The following DPM1 variants were observed in gnomAD, a reference collection of about 807,000 sequenced individuals.
DPM1 encodes dolichyl-phosphate mannosyltransferase subunit 1, catalytic, also known as dolichol-phosphate mannosyltransferase subunit 1.
A neutral mutation model predicts 39.0 loss-of-function variants in DPM1; 27 were observed. The observed-to-expected ratio is 0.69, with a 90% CI of 0.51 to 0.95. The LOEUF (loss-of-function observed/expected upper bound fraction) is 0.95, where lower values mean the gene tolerates loss of function less well. DPM1 is among the 40% of genes least tolerant of loss of function. The pLI is 0.00. For missense variants in DPM1, 307 were observed against 315.6 expected (o/e 0.97, Z 0.21); for synonymous variants, 124 against 109.0 (o/e 1.14, Z -0.86).
At position 50,935,055 on chromosome 20, in the gene DPM1, A is replaced by G. The variant is rs1208857318; in HGVS notation, c.*77T>C. 1.1e-6 allele frequency: 1 copy of G among 876,252 alleles called. No homozygotes were observed. The highest frequency in any genetic ancestry group is 1.7e-5 in the African/African-American group (1 of 59,668). The allele number at this position is 876,252 out of a possible 1,614,324, so 54.3% of individuals were successfully genotyped here. On this transcript the variant is annotated 3_prime_UTR_variant, in exon 9 of 9. Coordinates refer to ENST00000371588, the MANE Select transcript of DPM1 (RefSeq NM_003859.3). ...CTTATATTTTATACTTTAAGAGTAC[A>G]TTTTATACAAATCAGTAACCAGGCT...
At chr20:50,938,192 A>G (rs181402947) in intron 7 of DPM1, among the ~76,000 whole-genome samples, 28 of 152,294 alleles carry the variant, frequency 1.8e-4, no homozygotes, top group Admixed American at 1.0e-3. Context: ...CAGGTGGTCT[A>G]TGCTATTAAA....
Position 50,937,832 on chromosome 20 carries a change from TATTA to T in DPM1, c.564-1574_564-1571del, listed in dbSNP as rs1568759114. On this transcript the variant is annotated intron_variant, in intron 7 of 8. Transcript: ENST00000371588. ...TAACTTTTAAAGTTATTATTATTATTATTATTTTTATTTTTTTAGTTTTTGTAGA... is the reference window on the plus strand; with the variant it reads ...TAACTTTTAAAGTTATTATTATTATTTTTTTATTTTTTTAGTTTTTGTAGA... Among the ~76,000 whole-genome samples the T allele has an allele frequency of 9.9e-5, 15 of 152,084 alleles. No homozygotes were observed. The South Asian group carries it at 2.5e-3, about 25-fold the overall frequency.
At chr20:50,947,365 T>G (rs2123120627) in intron 3 of DPM1, among the ~76,000 whole-genome samples, 1 of 152,278 alleles carries the variant, frequency 6.6e-6, no homozygotes, top group East Asian at 1.9e-4. Context: ...AGTAAGACTG[T>G]CTCAGAAAGA....
chr20:50,945,727 T>C lies in DPM1; in HGVS notation c.398+10A>G, dbSNP rs1003900390. 1.3e-6 allele frequency: 2 copies of C among 1,549,380 alleles called. No homozygotes were observed. The highest frequency in any genetic ancestry group is 1.1e-5 in the South Asian group (1 of 89,660). On this transcript the variant is annotated intron_variant, in intron 5 of 8. Transcript: ENST00000371588. ...TCATATTTCTTTCAAATATTAGAAATAGTACCTACCTAATAAATTCAGGAA... is the reference window on the plus strand; with the variant it reads ...TCATATTTCTTTCAAATATTAGAAACAGTACCTACCTAATAAATTCAGGAA...
At chr20:50,938,952 G>A (rs1408441313) in intron 7 of DPM1, among the ~76,000 whole-genome samples, 1 of 151,962 alleles carries the variant, frequency 6.6e-6, no homozygotes, top group Non-Finnish European at 1.5e-5. Flanking sequence ...GCACACTCCA[G>A]CCTGGGCAAC....
intron 7 of DPM1, among the ~76,000 whole-genome samples, chr20:50,939,542 G>C (rs1458775802): frequency 6.6e-6 from 1 of 151,916 alleles, no homozygotes; most frequent in Non-Finnish European, 1.5e-5. Flanking sequence ...CTGTTAGCCA[G>C]GATGGTCTCG....
At chr20:50,957,163 G>A (rs1986869815) in intron 1 of DPM1, among the ~76,000 whole-genome samples, 1 of 152,160 alleles carries the variant, frequency 6.6e-6, no homozygotes, top group South Asian at 2.1e-4. Flanking sequence ...TGAGGGGCAA[G>A]GCATATGAAG....
At chr20:50,938,295 T>C (rs903784273) in intron 7 of DPM1, among the ~76,000 whole-genome samples, 32 of 152,084 alleles carry the variant, frequency 2.1e-4, no homozygotes, top group African/African-American at 6.5e-4. Context: ...ATGACAAAAA[T>C]GGGCTTTGTC....
intron 3 of DPM1, among the ~76,000 whole-genome samples, chr20:50,946,698 G>A (rs530231453): frequency 6.6e-6 from 1 of 152,314 alleles, no homozygotes; most frequent in East Asian, 1.9e-4. Context: ...GCAGGACTTG[G>A]GGATTCCTGC....
chr20:50,957,971 A>G (rs558422992), intron 1 of DPM1, among the ~76,000 whole-genome samples: 1 of 152,260 alleles, frequency 6.6e-6, no homozygotes, highest in Admixed American at 6.5e-5. Flanking sequence ...AGCACTCGGC[A>G]CCGGAGCGGA....
At position 50,936,146 on chromosome 20, in the gene DPM1, AC is replaced by A. The variant is rs1985139008; in HGVS notation, c.678+1del. ...ACACACTATTTAGCATCAGTTGCATACCTCGCCAATAGTATAATTCAACTGT... is the reference window on the plus strand; with the variant it reads ...ACACACTATTTAGCATCAGTTGCATACTCGCCAATAGTATAATTCAACTGT... On this transcript the variant is annotated splice_donor_variant, in intron 8 of 8. Coordinates refer to ENST00000371588, the MANE Select transcript of DPM1 (RefSeq NM_003859.3). LOFTEE classifies it high-confidence loss of function. 1 of 1,601,826 alleles carries A rather than the reference AC, an allele frequency of 6.2e-7. No homozygotes were observed. Among genetic ancestry groups the A allele is most frequent in the African/African-American group, 1.3e-5 (1 of 74,722 alleles).
chr20:50,952,148 T>C (rs1277437282), intron 2 of DPM1, among the ~76,000 whole-genome samples: 1 of 152,170 alleles, frequency 6.6e-6, no homozygotes, highest in Non-Finnish European at 1.5e-5. Context: ...CTCACTTGGC[T>C]TTCATGAGGA....
In DPM1 at chr20:50,938,632, G is replaced by A. The variant is rs186990691; in HGVS notation, c.563+2233C>T. Among the ~76,000 whole-genome samples, 1,147 of 149,966 alleles carry A rather than the reference G, an allele frequency of 7.6e-3. 15 individuals carry two copies. Among genetic ancestry groups the A allele is most frequent in the Non-Finnish European group, 0.012 (775 of 67,244 alleles). The stretch of plus-strand genomic sequence containing the variant: ...CCTGACCTTGTGATCCACCTGCCTC[G>A]GCCTCCCCAAGTACTGGGATTACAG... On this transcript the variant is annotated intron_variant, in intron 7 of 8. Transcript: ENST00000371588.
At chr20:50,940,094 GT>G (rs1985592468) in intron 7 of DPM1, among the ~76,000 whole-genome samples, 1 of 120,726 alleles carries the variant, frequency 8.3e-6, no homozygotes, top group African/African-American at 3.7e-5. Flanking sequence ...ATTTGTGTGT[GT>G]GTGTGTGTGT....
intron 2 of DPM1, among the ~76,000 whole-genome samples, chr20:50,951,644 C>G (rs1360606269): frequency 6.6e-6 from 1 of 152,054 alleles, no homozygotes; most frequent in African/African-American, 2.4e-5. Flanking sequence ...CTAAAATTAG[C>G]CAGCATGGTG....
intron 2 of DPM1, 67 bp downstream of exon 2, chr20:50,955,119 G>A: frequency 8.5e-7 from 1 of 1,171,540 alleles, no homozygotes; most frequent in Non-Finnish European, 1.3e-6. Context: ...TTTAAGCATT[G>A]TTCATGTCTC....
chr20:50,957,480 C>T (rs16995637), intron 1 of DPM1, among the ~76,000 whole-genome samples: 5,022 of 152,270 alleles, frequency 0.033, 163 homozygotes, highest in African/African-American at 0.077. Context: ...ATGTGTCAAG[C>T]ACTTTTCTAA....
chr20:50,945,598 C>A, intron 5 of DPM1, 139 bp downstream of exon 5: 3 of 873,250 alleles, frequency 3.4e-6, no homozygotes, highest in Middle Eastern at 3.6e-4. Context: ...CCTACCCTGA[C>A]TTCCCAAACT....
chr20:50,948,063 T>A (rs1490300816), intron 3 of DPM1, among the ~76,000 whole-genome samples: 1 of 152,204 alleles, frequency 6.6e-6, no homozygotes, highest in African/African-American at 2.4e-5. Flanking sequence ...GAACTACATA[T>A]TCCAGATTCT....
Sources: gnomAD v4.1 joint callset for allele counts (sites outside exome capture counted in the v4.1 genomes callset) on GRCh38, gnomAD v4.1.1 for gene constraint, MANE v1.5 for transcripts, NCBI Gene and HGNC (gene_info 2026-07-23, HGNC 2026-07-21) for gene names.